ITPRIP: variants seen among roughly 807,000 people sequenced by gnomAD.
ITPRIP encodes inositol 1,4,5-trisphosphate receptor interacting protein.
In ITPRIP, 32 loss-of-function variants were observed where a neutral mutation model predicts 35.8. The observed-to-expected ratio is 0.89, with a 90% CI of 0.68 to 1.20. The LOEUF (loss-of-function observed/expected upper bound fraction) is 1.20, where lower values mean the gene tolerates loss of function less well. ITPRIP is among the 50% of genes most tolerant of loss of function. The pLI is 0.00. For synonymous variants in ITPRIP, 358 were observed against 324.0 expected (o/e 1.11, Z -1.13); for missense variants, 653 against 735.6 (o/e 0.89, Z 1.30).
intron 1 of ITPRIP, among the ~76,000 whole-genome samples, chr10:104,336,502 G>GC (rs1413270023): frequency 1.3e-5 from 2 of 150,958 alleles, no homozygotes; most frequent in Non-Finnish European, 3.0e-5. Context: ...TTTGGGGGGG[G>GC]GGGGGCAGCG....
chr10:104,313,010 C>G lies in ITPRIP; in HGVS notation c.*1398G>C. On this transcript the variant is annotated 3_prime_UTR_variant, in exon 2 of 2. Transcript: ENST00000337478. ...CTGAACCAGACCTGGAGACGGAGCC[C>G]AGCTCCAACCACAGAGCTTCTGCCA... is the stretch of plus-strand genomic sequence containing the variant. 1 of 985,416 alleles carries G rather than the reference C, an allele frequency of 1.0e-6. No homozygotes were observed. The highest frequency in any genetic ancestry group is 1.2e-6 in the Non-Finnish European group (1 of 829,978). 61.0% of individuals were successfully genotyped at this position (985,416 alleles called of 1,614,324 possible).
rs1030931350 is a variant in ITPRIP, at chr10:104,311,927, C to T, written c.*2481G>A. ...TACAGCCAGCTTTCAAAGGCCCTTT[C>T]TGGAGCCCTGCGGGCAGCACACAAG... On this transcript the variant is annotated 3_prime_UTR_variant, in exon 2 of 2. Coordinates refer to ENST00000337478, the MANE Select transcript of ITPRIP (RefSeq NM_001272013.2). 2.6e-5 allele frequency: 4 copies of T among 152,230 alleles called. No individual in the cohort carries two copies. The highest frequency in any genetic ancestry group is 5.9e-5 in the Non-Finnish European group (4 of 68,044). 9.4% of individuals were successfully genotyped at this position (152,230 alleles called of 1,614,324 possible). A position where few individuals can be genotyped will look rare whatever the true frequency, so the allele number is the denominator to read the frequency against.
chr10:104,316,531 T>A (rs1416170055), intron 1 of ITPRIP, among the ~76,000 whole-genome samples: 1 of 152,022 alleles, frequency 6.6e-6, no homozygotes, highest in Non-Finnish European at 1.5e-5. Flanking sequence ...GAAAGACTCA[T>A]CCTGTTGCTA....
At chr10:104,319,040 G>T (rs1028951067) in intron 1 of ITPRIP, among the ~76,000 whole-genome samples, 4 of 152,216 alleles carry the variant, frequency 2.6e-5, no homozygotes, top group African/African-American at 9.6e-5. Flanking sequence ...TAGGATTACA[G>T]ACAAGACTCA....
At position 104,314,003 on chromosome 10, in the gene ITPRIP, T is replaced by C. The variant is rs2013558072; in HGVS notation, c.*405A>G. The C allele has an allele frequency of 9.9e-7, 1 of 1,006,218 alleles. No individual in the cohort carries two copies. The allele number at this position is 1,006,218 out of a possible 1,614,324, so 62.3% of individuals were successfully genotyped here. A position where few individuals can be genotyped will look rare whatever the true frequency, so the allele number is the denominator to read the frequency against. On this transcript the variant is annotated 3_prime_UTR_variant, in exon 2 of 2. Coordinates refer to ENST00000337478, the MANE Select transcript of ITPRIP (RefSeq NM_001272013.2). ...TGCTGGGTCTTAACACGGTTCCCTG[T>C]CAGCATTCTTGTAGATCCTCTGCTC...
At chr10:104,337,838 C>T (rs1213683907) in intron 1 of ITPRIP, among the ~76,000 whole-genome samples, 1 of 152,150 alleles carries the variant, frequency 6.6e-6, no homozygotes, top group Non-Finnish European at 1.5e-5. Flanking sequence ...ATGAGCAGGG[C>T]GAACCGGCTT....
In ITPRIP at chr10:104,328,900, C is replaced by G. The variant is rs2014090734; in HGVS notation, c.-14+9346G>C. ...GCTTCCTGAGATTCTAGGCCCCACA[C>G]AGTGAAAGAAATCCCAGACTGTTCT... is the stretch of plus-strand genomic sequence containing the variant. On this transcript the variant is annotated intron_variant, in intron 1 of 1. Transcript: ENST00000337478. This position sits in a 1 kb window ranked among gnomAD's most constrained non-coding sequence, Gnocchi z 4.1. The G allele has an allele frequency of 6.6e-6, 1 of 152,214 alleles. No homozygotes were observed. Among genetic ancestry groups the G allele is most frequent in the East Asian group, 1.9e-4 (1 of 5,182 alleles). 9.4% of individuals were successfully genotyped at this position (152,214 alleles called of 1,614,324 possible).
chr10:104,325,618 G>A (rs543338896), intron 1 of ITPRIP, among the ~76,000 whole-genome samples: 150 of 152,342 alleles, frequency 9.8e-4, no homozygotes, highest in Non-Finnish European at 2.8e-4. Flanking sequence ...GGCTTTGTTG[G>A]GTTGGCATCC....
chr10:104,333,480 CT>C lies in ITPRIP; in HGVS notation c.-14+4765del, dbSNP rs1476745398. ...TCACCTGCAGGGTGCTTCCGTTTCA[CT>C]GATGTCACGGGGTGGGCCTAACAGA... On this transcript the variant is annotated intron_variant, in intron 1 of 1. Coordinates refer to ENST00000337478, the MANE Select transcript of ITPRIP (RefSeq NM_001272013.2). The surrounding 1 kb of genome is among the most constrained non-coding windows in gnomAD (Gnocchi z 4.1). The C allele has an allele frequency of 6.6e-6, 1 of 152,252 alleles. No individual in the cohort carries two copies. The highest frequency in any genetic ancestry group is 1.5e-5 in the Non-Finnish European group (1 of 68,104). 9.4% of individuals were successfully genotyped at this position (152,252 alleles called of 1,614,324 possible). A position where few individuals can be genotyped will look rare whatever the true frequency, so the allele number is the denominator to read the frequency against.
intron 1 of ITPRIP, among the ~76,000 whole-genome samples, chr10:104,316,626 A>G (rs943306619): frequency 6.6e-6 from 1 of 152,084 alleles, no homozygotes; most frequent in Non-Finnish European, 1.5e-5. Flanking sequence ...AGACACCAAC[A>G]TAGAGGAAAG....
rs1457105901 is a variant in ITPRIP at position 104,309,898 on chromosome 10, TTATGACTG to T, written c.*4502_*4509del. ...TCCTGTTAGTACTTGAATTTTAAAATTATGACTGTATTATTGCTTTTATGTTTATTTTT... is the reference window on the plus strand; with the variant it reads ...TCCTGTTAGTACTTGAATTTTAAAATTATTATTGCTTTTATGTTTATTTTT... On this transcript the variant is annotated 3_prime_UTR_variant, in exon 2 of 2. Transcript: ENST00000337478. 2 of 152,228 alleles carry T rather than the reference TTATGACTG, an allele frequency of 1.3e-5. No homozygotes were observed. Among genetic ancestry groups the T allele is most frequent in the African/African-American group, 4.8e-5 (2 of 41,452 alleles). 9.4% of individuals were successfully genotyped at this position (152,228 alleles called of 1,614,324 possible).
intron 1 of ITPRIP, among the ~76,000 whole-genome samples, chr10:104,334,227 G>A (rs76025504): frequency 0.013 from 1,914 of 152,368 alleles, 44 homozygotes; most frequent in African/African-American, 0.044. Flanking sequence ...AATCTAAAGA[G>A]GCCAGCTGAG....
chr10:104,324,371 G>T (rs1051597694), intron 1 of ITPRIP, among the ~76,000 whole-genome samples: 41 of 152,242 alleles, frequency 2.7e-4, no homozygotes. Flanking sequence ...CCGGAGGCTG[G>T]GCCCTGAAAG....
At chr10:104,320,105 T>A (rs2013805878) in intron 1 of ITPRIP, among the ~76,000 whole-genome samples, 1 of 152,196 alleles carries the variant, frequency 6.6e-6, no homozygotes, top group African/African-American at 2.4e-5. Context: ...CTACATTCTG[T>A]ACAGAATCTC....
At chr10:104,331,045 T>G (rs1050633295) in intron 1 of ITPRIP, among the ~76,000 whole-genome samples, 2 of 152,238 alleles carry the variant, frequency 1.3e-5, no homozygotes. Context: ...AATGAACTTA[T>G]GAGACTCCTT....
chr10:104,335,107 C>G (rs1291738283), intron 1 of ITPRIP, among the ~76,000 whole-genome samples: 4 of 152,162 alleles, frequency 2.6e-5, no homozygotes, highest in Non-Finnish European at 5.9e-5. Context: ...TGCTGGGCAC[C>G]AGCTGGCCCC....
At chr10:104,337,538 G>T (rs529980633) in intron 1 of ITPRIP, among the ~76,000 whole-genome samples, 1 of 152,156 alleles carries the variant, frequency 6.6e-6, no homozygotes, top group East Asian at 1.9e-4. Context: ...TTTGGATGGG[G>T]AGTCCCGCCC....
chr10:104,329,337 AAC>A (rs1352636901), intron 1 of ITPRIP, among the ~76,000 whole-genome samples: 2 of 152,082 alleles, frequency 1.3e-5, no homozygotes, highest in African/African-American at 4.8e-5. Flanking sequence ...TAAGGCTAGG[AAC>A]AGTTAGCAAA....
In ITPRIP at chr10:104,313,286, C is replaced by A. The variant is rs2013535366; in HGVS notation, c.*1122G>T. ...TCTCTGAACTGGGCCAGACTGCAAG[C>A]CAGACACCACCACCCCGGGTAGCAT... On this transcript the variant is annotated 3_prime_UTR_variant, in exon 2 of 2. Coordinates refer to ENST00000337478, the MANE Select transcript of ITPRIP (RefSeq NM_001272013.2). 1 of 985,792 alleles carries A rather than the reference C, an allele frequency of 1.0e-6. No homozygotes were observed. Among genetic ancestry groups the A allele is most frequent in the African/African-American group, 1.7e-5 (1 of 57,252 alleles). 61.1% of individuals were successfully genotyped at this position (985,792 alleles called of 1,614,324 possible).
Sources: gnomAD v4.1 joint callset for allele counts (sites outside exome capture counted in the v4.1 genomes callset) on GRCh38, gnomAD v4.1.1 for gene constraint, Gnocchi (gnomAD v3.1) non-coding constraint, MANE v1.5 for transcripts, NCBI Gene and HGNC (gene_info 2026-07-23, HGNC 2026-07-21) for gene names.